ULK4: variants seen among roughly 807,000 people sequenced by gnomAD.
The protein encoded by ULK4 is unc-51 like kinase 4.
Under a neutral mutation model 160.6 loss-of-function variants are expected in ULK4, and 133 were observed. The observed-to-expected ratio is 0.83, with a 90% confidence interval of 0.72 to 0.96. ULK4 has a LOEUF of 0.96. Ranked by LOEUF, ULK4 falls within the 40% of genes least tolerant of loss-of-function variation. ULK4 has a pLI of 0.00. For missense variants in ULK4, 1,580 were observed against 1,499.5 expected (o/e 1.05, Z -0.89); for synonymous variants, 534 against 539.8 (o/e 0.99, Z 0.15).
chr3:41,497,776 C>A (rs1460482383), intron 32 of ULK4, among the ~76,000 whole-genome samples: 1 of 152,030 alleles, frequency 6.6e-6, no homozygotes, highest in Admixed American at 6.6e-5. Flanking sequence ...CACCTACTCA[C>A]GAGGTTGAGG....
At chr3:41,600,780 TTTCTC>T (rs2032012233) in intron 31 of ULK4, among the ~76,000 whole-genome samples, 2 of 152,328 alleles carry the variant, frequency 1.3e-5, no homozygotes, top group South Asian at 4.1e-4. Context: ...TGCTCATTCT[TTTCTC>T]TAACCCCAGA....
chr3:41,559,122 C>T (rs1424303888), intron 32 of ULK4, among the ~76,000 whole-genome samples: 3 of 149,488 alleles, frequency 2.0e-5, no homozygotes, highest in East Asian at 2.0e-4. Flanking sequence ...TGAGAATATG[C>T]AGTGTTTGGT....
At chr3:41,734,924 A>G (rs1430952021) in intron 22 of ULK4, among the ~76,000 whole-genome samples, 1 of 152,194 alleles carries the variant, frequency 6.6e-6, no homozygotes, top group East Asian at 1.9e-4. Flanking sequence ...GAACCTCGGC[A>G]GCACCTCAAG....
chr3:41,497,549 C>T (rs1348740419), intron 32 of ULK4, among the ~76,000 whole-genome samples: 1 of 152,038 alleles, frequency 6.6e-6, no homozygotes, highest in Non-Finnish European at 1.5e-5. Context: ...AGGAGCTCAG[C>T]AAACCCCAAA....
chr3:41,690,310 A>G (rs1325054427), intron 27 of ULK4, among the ~76,000 whole-genome samples: 1 of 151,434 alleles, frequency 6.6e-6, no homozygotes, highest in Non-Finnish European at 1.5e-5. Context: ...GGGAGTGGGG[A>G]GGGATAGCTT....
At chr3:41,653,141 A>G (rs2034807336) in intron 30 of ULK4, among the ~76,000 whole-genome samples, 1 of 152,090 alleles carries the variant, frequency 6.6e-6, no homozygotes, top group Non-Finnish European at 1.5e-5. Flanking sequence ...AAACTAACCA[A>G]TCCTTAGCTC....
intron 32 of ULK4, among the ~76,000 whole-genome samples, chr3:41,492,834 C>A (rs537926705): frequency 5.7e-5 from 8 of 140,170 alleles, no homozygotes; most frequent in Admixed American, 7.3e-5. Flanking sequence ...ACAAAGAAGG[C>A]CATTACATAA....
At chr3:41,276,094 G>C (rs2079224162) in intron 35 of ULK4, among the ~76,000 whole-genome samples, 1 of 152,242 alleles carries the variant, frequency 6.6e-6, no homozygotes, top group African/African-American at 2.4e-5. Flanking sequence ...AAATGAGCTA[G>C]AGAATATGTG....
intron 32 of ULK4, among the ~76,000 whole-genome samples, chr3:41,502,794 G>A (rs2085255562): frequency 6.6e-6 from 1 of 152,176 alleles, no homozygotes; most frequent in Non-Finnish European, 1.5e-5. Flanking sequence ...GGGAGGGGTT[G>A]AGGGAATTCA....
At chr3:41,830,286 TAA>T (rs1491383681) in intron 18 of ULK4, among the ~76,000 whole-genome samples, 2 of 152,016 alleles carry the variant, frequency 1.3e-5, no homozygotes, top group Non-Finnish European at 2.9e-5. Flanking sequence ...CCCTAAAACT[TAA>T]AGTATAATTT....
At chr3:41,758,403 T>C (rs1038152923) in intron 21 of ULK4, among the ~76,000 whole-genome samples, 4 of 152,152 alleles carry the variant, frequency 2.6e-5, no homozygotes, top group African/African-American at 7.2e-5. Flanking sequence ...TAAGCATTTA[T>C]AGACATCAAA....
intron 31 of ULK4, among the ~76,000 whole-genome samples, chr3:41,573,932 C>T (rs2088090382): frequency 6.6e-6 from 1 of 152,186 alleles, no homozygotes; most frequent in Non-Finnish European, 1.5e-5. Context: ...GAAGAGGACA[C>T]ATTTCCATAT....
At chr3:41,761,050 TA>T (rs2038966161) in intron 21 of ULK4, among the ~76,000 whole-genome samples, 1 of 152,078 alleles carries the variant, frequency 6.6e-6, no homozygotes, top group East Asian at 1.9e-4. Context: ...GATAAAACTA[TA>T]GGGGCAGGGA....
At chr3:41,617,100 G>A (rs777417669) in intron 30 of ULK4, among the ~76,000 whole-genome samples, 9 of 152,218 alleles carry the variant, frequency 5.9e-5, no homozygotes, top group Non-Finnish European at 1.3e-4. Flanking sequence ...AGCAGCCCAA[G>A]TCAGGGGCTT....
chr3:41,495,143 A>C (rs1224072618), intron 32 of ULK4, among the ~76,000 whole-genome samples: 2 of 152,228 alleles, frequency 1.3e-5, no homozygotes, highest in African/African-American at 4.8e-5. Flanking sequence ...AGCCAAAGGA[A>C]CAAAGCTGGA....
intron 32 of ULK4, among the ~76,000 whole-genome samples, chr3:41,487,075 T>C (rs1473534): frequency 0.41 from 62,239 of 151,926 alleles, 12,913 homozygotes; most frequent in African/African-American, 0.43. Flanking sequence ...ATCAACAATA[T>C]CCAGAAAAAA....
At chr3:41,255,943 C>A (rs1279617290) in intron 35 of ULK4, among the ~76,000 whole-genome samples, 6 of 152,092 alleles carry the variant, frequency 3.9e-5, no homozygotes, top group African/African-American at 1.4e-4. Context: ...TGGAAAATTT[C>A]CAAAATATAC....
intron 35 of ULK4, among the ~76,000 whole-genome samples, chr3:41,300,862 T>TAC (rs1204600996): frequency 1.8e-5 from 2 of 111,398 alleles, no homozygotes; most frequent in East Asian, 5.5e-4. Context: ...TATATATATA[T>TAC]ATATATATAT....
intron 18 of ULK4, among the ~76,000 whole-genome samples, chr3:41,829,663 T>G (rs1047136359): frequency 1.8e-4 from 27 of 152,086 alleles, no homozygotes; most frequent in African/African-American, 6.0e-4. Flanking sequence ...CTGGAGAGGA[T>G]GTGGAGAAAT....
Sources: allele counts gnomAD v4.1 joint callset (sites outside exome capture counted in the v4.1 genomes callset), GRCh38; gene constraint gnomAD v4.1.1; transcripts MANE v1.5; gene names NCBI Gene and HGNC (gene_info 2026-07-23, HGNC 2026-07-21).